Variants in USP30 observed in about 807,000 individuals in gnomAD.
The protein encoded by USP30 is ubiquitin carboxyl-terminal hydrolase 30.
A neutral mutation model predicts 68.2 loss-of-function variants in USP30; 41 were observed. The ratio of observed to expected loss-of-function variants is 0.60; its 90% confidence interval spans 0.47 to 0.78. The LOEUF (loss-of-function observed/expected upper bound fraction) is 0.78, where lower values mean the gene tolerates loss of function less well. Among genes scored for constraint, USP30 ranks in the 30% least tolerant of loss-of-function variants. USP30 has a pLI of 0.00. For synonymous variants in USP30, 229 were observed against 253.7 expected (o/e 0.90, Z 0.93); for missense variants, 522 against 649.4 (o/e 0.80, Z 2.13).
intron 6 of USP30, 59 bp from the exon 7 acceptor site, chr12:109,073,379 T>C: frequency 8.4e-7 from 1 of 1,187,332 alleles, no homozygotes; most frequent in Non-Finnish European, 1.3e-6. Flanking sequence ...GGAAGATGAA[T>C]GTTGAGCTTG....
intron 1 of USP30, among the ~76,000 whole-genome samples, chr12:109,055,401 T>TATATACATA (rs61062424): frequency 6.8e-5 from 2 of 29,628 alleles, no homozygotes; most frequent in African/African-American, 1.2e-4. Context: ...TATATATATA[T>TATATACATA]TTTTTTTTTT....
At chr12:109,023,480 A>G (rs2040421468) in intron 1 of USP30, among the ~76,000 whole-genome samples, 1 of 152,076 alleles carries the variant, frequency 6.6e-6, no homozygotes, top group Non-Finnish European at 1.5e-5. Flanking sequence ...GCTTGAAGCC[A>G]GGAAGCAGAG....
intron 3 of USP30, among the ~76,000 whole-genome samples, chr12:109,029,950 T>G (rs1260725067): frequency 6.6e-6 from 1 of 152,124 alleles, no homozygotes; most frequent in Non-Finnish European, 1.5e-5. Flanking sequence ...CCATAATCCC[T>G]CCTCTCCCAT....
In USP30 at chr12:109,086,162, T is replaced by G; in HGVS notation, c.*231T>G. The stretch of plus-strand genomic sequence containing the variant: ...TCTGTTGTGTTAAGAAAGCATTCAT[T>G]ATGTCCGGAGTGTCTTTTTACTCAT... On this transcript the variant is annotated 3_prime_UTR_variant, in exon 13 of 13. Coordinates refer to ENST00000257548, the MANE Select transcript of USP30 (RefSeq NM_032663.5). 1.9e-6 allele frequency: 1 copy of G among 540,266 alleles called. No individual in the cohort carries two copies. Among genetic ancestry groups the G allele is most frequent in the Non-Finnish European group, 3.2e-6 (1 of 313,642 alleles). 33.5% of individuals were successfully genotyped at this position (540,266 alleles called of 1,614,324 possible).
At chr12:109,081,730 C>T in intron 8 of USP30, 1 of 618,202 alleles carries the variant, frequency 1.6e-6, no homozygotes, top group South Asian at 2.0e-5. Flanking sequence ...GCAGTTACAT[C>T]CTCATGCTCT....
chr12:109,084,086 C>G, intron 11 of USP30, among the ~76,000 whole-genome samples: 1 of 152,146 alleles, frequency 6.6e-6, no homozygotes. Flanking sequence ...AGTAGGGCCA[C>G]TCGTGGTGGC....
intron 3 of USP30, among the ~76,000 whole-genome samples, chr12:109,036,504 G>T (rs973873764): frequency 6.6e-6 from 1 of 151,906 alleles, no homozygotes; most frequent in Non-Finnish European, 1.5e-5. Flanking sequence ...CACCATGTTG[G>T]CCTGGCAGGT....
chr12:109,062,022 C>T (rs2041084706), intron 3 of USP30, among the ~76,000 whole-genome samples: 2 of 151,932 alleles, frequency 1.3e-5, no homozygotes, highest in Non-Finnish European at 2.9e-5. Context: ...TGCACCTCAG[C>T]CTCCTGTGCT....
At chr12:109,084,837 A>G in intron 11 of USP30, 116 bp from the exon 12 acceptor site, 2 of 1,196,878 alleles carry the variant, frequency 1.7e-6, no homozygotes, top group Non-Finnish European at 2.3e-6. Flanking sequence ...TACCAAATGA[A>G]ATAGATTTTT....
Position 109,052,659 on chromosome 12 carries a change from A to G in USP30, c.-20A>G, listed in dbSNP as rs747392655. 49 of 1,491,888 alleles carry G rather than the reference A, an allele frequency of 3.3e-5. 1 individual carries two copies. Among genetic ancestry groups the G allele is most frequent in the Non-Finnish European group, 4.3e-5 (48 of 1,126,644 alleles). 92.4% of individuals were successfully genotyped at this position (1,491,888 alleles called of 1,614,324 possible). A position where few individuals can be genotyped will look rare whatever the true frequency, so the allele number is the denominator to read the frequency against. Reference sequence around the variant, plus strand: ...CGGCGGTAGCGGAGGAGACGGTTTCAGGCCTCCGGTGCGGCTGCAATGCTG... The same window carrying G: ...CGGCGGTAGCGGAGGAGACGGTTTCGGGCCTCCGGTGCGGCTGCAATGCTG... On this transcript the variant is annotated 5_prime_UTR_variant, in exon 1 of 13. Transcript: ENST00000257548.
chr12:109,055,402 T>A (rs10525667), intron 1 of USP30, among the ~76,000 whole-genome samples: 915 of 25,406 alleles, frequency 0.036, 26 homozygotes, highest in African/African-American at 0.083. Context: ...ATATATATAT[T>A]TTTTTTTTTT....
intron 3 of USP30, among the ~76,000 whole-genome samples, chr12:109,066,295 T>C (rs554556525): frequency 6.6e-6 from 1 of 150,784 alleles, no homozygotes; most frequent in Non-Finnish European, 1.5e-5. Flanking sequence ...TTTTCTGGAC[T>C]TTTACAGAAA....
In USP30 at chr12:109,057,318, T is replaced by C. The variant is rs1218348352; in HGVS notation, c.193+527T>C. ...TCATTGTTAAATCTGGGGACAGTTA[T>C]AATTGAGGTTTATTTTACATTCTCC... is the stretch of plus-strand genomic sequence containing the variant. On this transcript the variant is annotated intron_variant, in intron 2 of 12. Coordinates refer to ENST00000257548, the MANE Select transcript of USP30 (RefSeq NM_032663.5). Among the ~76,000 whole-genome samples the C allele has an allele frequency of 3.3e-5, 5 of 152,214 alleles. No individual in the cohort carries two copies. The East Asian group carries it at 9.6e-4, about 29-fold the overall frequency.
chr12:109,027,615 A>G (rs993512426), intron 3 of USP30: 1 of 152,204 alleles, frequency 6.6e-6, no homozygotes, highest in Admixed American at 6.5e-5. Flanking sequence ...TGCCTACTCT[A>G]GTTACCTGAT....
upstream of USP30, among the ~76,000 whole-genome samples, chr12:109,048,422 C>T (rs550741741): frequency 6.6e-6 from 1 of 151,684 alleles, no homozygotes; most frequent in South Asian, 2.1e-4. Context: ...ATTTCTGTTT[C>T]CATCAGTGAT....
At chr12:109,040,814 G>A (rs1283993631) in intron 3 of USP30, among the ~76,000 whole-genome samples, 2 of 152,198 alleles carry the variant, frequency 1.3e-5, no homozygotes, top group Admixed American at 1.3e-4. Flanking sequence ...AAGCAACAAT[G>A]TATTTTATGA....
At chr12:109,084,746 C>G (rs1459956075) in intron 11 of USP30, among the ~76,000 whole-genome samples, 6 of 152,220 alleles carry the variant, frequency 3.9e-5, no homozygotes, top group Non-Finnish European at 7.3e-5. Flanking sequence ...GCTAGATACA[C>G]TTTTCCTATT....
intron 3 of USP30, among the ~76,000 whole-genome samples, chr12:109,039,493 T>C (rs2040547209): frequency 6.6e-6 from 1 of 152,210 alleles, no homozygotes. Flanking sequence ...TTACCCTATC[T>C]GCTGCCCATG....
chr12:109,029,358 G>C (rs1448023903), intron 3 of USP30, among the ~76,000 whole-genome samples: 1 of 152,188 alleles, frequency 6.6e-6, no homozygotes, highest in Non-Finnish European at 1.5e-5. Flanking sequence ...AGTTTTTAAG[G>C]GTTCAGGGCA....
Sources: gnomAD v4.1 joint callset for allele counts (sites outside exome capture counted in the v4.1 genomes callset) on GRCh38, gnomAD v4.1.1 for gene constraint, MANE v1.5 for transcripts, NCBI Gene and HGNC (gene_info 2026-07-23, HGNC 2026-07-21) for gene names.